The following FAS variants were observed in gnomAD, a reference collection of about 807,000 sequenced individuals.
FAS encodes the protein Fas cell surface death receptor, also known as tumor necrosis factor receptor superfamily member 6.
A neutral mutation model predicts 33.2 loss-of-function variants in FAS; 5 were observed. The ratio of observed to expected loss-of-function variants is 0.15; its 90% CI spans 0.08 to 0.32. FAS has a LOEUF of 0.32. FAS is among the 10% of genes least tolerant of loss of function. FAS has a pLI of 1.00. For synonymous variants in FAS, 131 were observed against 130.7 expected (o/e 1.00, Z -0.01); for missense variants, 339 against 386.0 (o/e 0.88, Z 1.02).
At chr10:88,973,440 T>A (rs1237137306) in intron 2 of FAS, 1 of 1,093,020 alleles carries the variant, frequency 9.1e-7, no homozygotes, top group African/African-American at 1.6e-5. Context: ...TATCTCTGCC[T>A]TTCCTTTCTA....
chr10:88,969,843 G>A (rs1175698197), intron 1 of FAS, among the ~76,000 whole-genome samples: 2 of 152,164 alleles, frequency 1.3e-5, no homozygotes, highest in African/African-American at 4.8e-5. Context: ...CCAGTATCTA[G>A]CACAGTGCCT....
At position 88,973,112 on chromosome 10, in the gene FAS, T is replaced by TCTATTTTAATTTTTC. The variant is rs1477105915; in HGVS notation, n.95-67_95-53dup. The TCTATTTTAATTTTTC allele has an allele frequency of 7.5e-6, 11 of 1,474,104 alleles. No individual in the cohort carries two copies. The African/African-American group carries it at 9.9e-5, about 13-fold the overall frequency. 91.3% of individuals were successfully genotyped at this position (1,474,104 alleles called of 1,614,324 possible). On this transcript the variant is annotated intron_variant and non_coding_transcript_variant, in intron 1 of 3. Coordinates refer to the FAS transcript ENST00000688239. The stretch of plus-strand genomic sequence containing the variant: ...AATTTTAACTTCTATGTTTTATTTT[T>TCTATTTTAATTTTTC]CTATTTTAATTTTTCCTGGGCCTTG...
chr10:88,964,317 A>C (rs1207448314), intron 1 of FAS, among the ~76,000 whole-genome samples: 1 of 152,200 alleles, frequency 6.6e-6, no homozygotes, highest in Non-Finnish European at 1.5e-5. Flanking sequence ...GGAATGAGCA[A>C]TTCTCAAAGA....
intron 2 of FAS, among the ~76,000 whole-genome samples, chr10:88,976,665 C>T (rs1446841192): frequency 6.6e-6 from 1 of 152,148 alleles, no homozygotes; most frequent in Non-Finnish European, 1.5e-5. Context: ...TTAAAATACA[C>T]ACCAACTATT....
In FAS at chr10:89,014,304, A is replaced by T; in HGVS notation, c.862A>T (p.Lys288Ter). ...TAATTGGCATCAACTTCATGGAAAG[A>T]AAGAAGCGTATGACACATTGATTAA... ...LRNWHQLHGK[K>*]EAYDTLIKDL... The change falls in exon 9 of 9, where the codon AAA becomes TAA. Residue 288 changes from lysine (K) to a stop codon, truncating the protein, a stop_gained. Coordinates refer to ENST00000652046, the MANE Select transcript of FAS (RefSeq NM_000043.6). LOFTEE classifies it low-confidence loss of function (END_TRUNC). The T allele has an allele frequency of 6.2e-7, 1 of 1,614,004 alleles. No homozygotes were observed. Among genetic ancestry groups the T allele is most frequent in the South Asian group, 1.1e-5 (1 of 91,078 alleles).
Position 88,990,958 on chromosome 10 carries a change from T to A in FAS, c.30+52T>A. ...GCTTACCCCGTCTTAGTCCCGGGGA[T>A]AGGCAAAGTGGGGCGGGCGCGGGAC... On this transcript the variant is annotated intron_variant, in intron 1 of 8. Transcript: ENST00000652046. The surrounding 1 kb of genome is among the most constrained non-coding windows in gnomAD (Gnocchi z 4.9). 1 of 1,612,964 alleles carries A rather than the reference T, an allele frequency of 6.2e-7. No individual in the cohort carries two copies. The highest frequency in any genetic ancestry group is 8.5e-7 in the Non-Finnish European group (1 of 1,179,020).
intron 1 of FAS, among the ~76,000 whole-genome samples, chr10:88,968,928 G>C (rs1846372153): frequency 6.6e-6 from 1 of 152,026 alleles, no homozygotes; most frequent in Non-Finnish European, 1.5e-5. Flanking sequence ...ACTTTGTGTA[G>C]GTTTGGTATT....
chr10:89,013,042 A>C (rs1848608900), intron 7 of FAS, among the ~76,000 whole-genome samples: 1 of 152,154 alleles, frequency 6.6e-6, no homozygotes, highest in Non-Finnish European at 1.5e-5. Context: ...TATATTTATT[A>C]TTTATTTTAA....
upstream of FAS, among the ~76,000 whole-genome samples, chr10:88,987,075 A>AG (rs1846919126): frequency 6.6e-6 from 1 of 152,198 alleles, no homozygotes; most frequent in Admixed American, 6.5e-5. Context: ...AAGAACCCAT[A>AG]CATATTTCTA....
intron 1 of FAS, among the ~76,000 whole-genome samples, chr10:88,969,920 G>T (rs533947276): frequency 4.6e-5 from 7 of 152,234 alleles, no homozygotes; most frequent in East Asian, 3.9e-4. Context: ...CTCTGCCAAG[G>T]CCTTTATGTT....
At chr10:88,987,077 A>G (rs199760058), upstream of FAS, among the ~76,000 whole-genome samples, 2 of 152,164 alleles carry the variant, frequency 1.3e-5, no homozygotes, top group Non-Finnish European at 1.5e-5. Context: ...GAACCCATAC[A>G]TATTTCTATT....
rs1848473930 is a variant in FAS, at chr10:89,010,547, A to T, written c.452A>T (p.His151Leu). ...EHCDPCTKCE[H>L]GIIKECTLTS... ...TGTATTTTTTTTTCTAGATGTGAAC[A>T]TGGAATCATCAAGGAATGCACACTC... Residue 151 changes from histidine (H) to leucine (L), a missense_variant, in exon 5 of 9, where the codon CAT becomes CTT. By Grantham distance (99) the His-to-Leu change is moderately conservative. This residue lies in a region of FAS where 276 missense variants were observed against 300.1 expected (regional missense o/e 0.92). Coordinates refer to ENST00000652046, the MANE Select transcript of FAS (RefSeq NM_000043.6). 1.2e-6 allele frequency: 2 copies of T among 1,613,594 alleles called. No homozygotes were observed. Among genetic ancestry groups the T allele is most frequent in the Non-Finnish European group, 1.7e-6 (2 of 1,179,746 alleles).
chr10:88,996,785 C>G (rs1847622369), intron 1 of FAS, among the ~76,000 whole-genome samples: 1 of 151,980 alleles, frequency 6.6e-6, no homozygotes, highest in South Asian at 2.1e-4. Flanking sequence ...AAAAATAATA[C>G]AAAAAAACCC....
chr10:88,998,564 A>T (rs1483416042), intron 1 of FAS, among the ~76,000 whole-genome samples: 2 of 152,176 alleles, frequency 1.3e-5, no homozygotes, highest in Non-Finnish European at 2.9e-5. Context: ...ATACAGTCAC[A>T]TTCGGATGCT....
intron 3 of FAS, 127 bp from the exon 4 acceptor site, chr10:89,008,762 T>A: frequency 1.2e-6 from 1 of 859,040 alleles, no homozygotes; most frequent in Non-Finnish European, 2.0e-6. Flanking sequence ...ACTGTATTAC[T>A]GGTGTCATGC....
At chr10:88,979,323 C>G (rs948296001) in intron 2 of FAS, among the ~76,000 whole-genome samples, 2 of 152,024 alleles carry the variant, frequency 1.3e-5, no homozygotes, top group African/African-American at 4.8e-5. Context: ...GCCTTGCCAG[C>G]CTTGGCTCCT....
upstream of FAS, chr10:88,990,426 C>T (rs758637688): frequency 2.1e-6 from 1 of 467,326 alleles, no homozygotes; most frequent in African/African-American, 1.9e-5. The surrounding 1 kb of genome is among the most constrained non-coding windows in gnomAD (Gnocchi z 4.9). Context: ...TCTCGAGGTC[C>T]TCACCTGAAG....
At chr10:88,987,205 A>G (rs1846925252), upstream of FAS, among the ~76,000 whole-genome samples, 1 of 152,380 alleles carries the variant, frequency 6.6e-6, no homozygotes, top group Admixed American at 6.5e-5. Context: ...AGCAGTCTAC[A>G]GAATTGTTTA....
At chr10:89,014,086 A>G (rs768477783) in intron 8 of FAS, 33 bp from the exon 9 acceptor site, 1 of 1,607,052 alleles carries the variant, frequency 6.2e-7, no homozygotes, top group Non-Finnish European at 8.5e-7. Context: ...TCATTTAGAA[A>G]AACAAATTTT....
Sources: allele counts gnomAD v4.1 joint callset (sites outside exome capture counted in the v4.1 genomes callset), GRCh38; gene constraint gnomAD v4.1.1; regional missense constraint gnomAD v4.1.1; non-coding constraint Gnocchi (gnomAD v3.1); transcripts MANE v1.5; gene names NCBI Gene and HGNC (gene_info 2026-07-23, HGNC 2026-07-21).